Variants in GRM8 observed in about 807,000 individuals in gnomAD.
GRM8 encodes the protein glutamate metabotropic receptor 8.
GRM8 carries 47 observed loss-of-function variants against 87.2 expected under a neutral mutation model. The observed-to-expected ratio is 0.54, with a 90% CI of 0.43 to 0.69. GRM8 has a LOEUF of 0.69. GRM8 is among the 30% of genes least tolerant of loss of function. The probability of loss-of-function intolerance (pLI) is 0.00; values close to 1 mark genes in which losing one functional copy is unlikely to be tolerated. For missense variants in GRM8, 1,019 were observed against 1,139.2 expected, an observed-to-expected ratio of 0.89 and a Z score of 1.52; for synonymous variants, 396 against 404.5, an observed-to-expected ratio of 0.98 and a Z score of 0.25.
intron 9 of GRM8, chr7:126,511,686 T>C (rs1443084627): frequency 6.6e-6 from 1 of 152,140 alleles, no homozygotes; most frequent in South Asian, 2.1e-4. Context: ...GGCCAAGGCA[T>C]GCACCAATGT....
At chr7:127,114,269 C>A (rs1198439366) in intron 2 of GRM8, among the ~76,000 whole-genome samples, 1 of 152,056 alleles carries the variant, frequency 6.6e-6, no homozygotes, top group Non-Finnish European at 1.5e-5. Flanking sequence ...TTTTGATGCA[C>A]AATGGAGTTT....
At chr7:127,122,470 TA>T (rs61078885) in intron 2 of GRM8, among the ~76,000 whole-genome samples, 13,400 of 147,694 alleles carry the variant, frequency 0.091, 1,822 homozygotes, top group African/African-American at 0.3. Flanking sequence ...GCTTTCTATT[TA>T]AAAAAAAAAA....
chr7:127,094,102 T>G (rs1263704371), intron 3 of GRM8, among the ~76,000 whole-genome samples: 1 of 152,232 alleles, frequency 6.6e-6, no homozygotes, highest in Non-Finnish European at 1.5e-5. Flanking sequence ...ATGACATAAA[T>G]AGATTCTGAT....
At chr7:127,235,962 C>G (rs17865354) in intron 2 of GRM8, among the ~76,000 whole-genome samples, 3,823 of 146,650 alleles carry the variant, frequency 0.026, 64 homozygotes, top group South Asian at 0.073. Context: ...GTGGACTTTC[C>G]TTTCATACTA....
In GRM8 at chr7:126,547,907, A is replaced by AAC. The variant is rs1554395212; in HGVS notation, c.1495-14021_1495-14020insGT. Among the ~76,000 whole-genome samples the AAC allele has an allele frequency of 3.4e-4, 52 of 151,222 alleles. 1 individual carries two copies. The highest frequency in any genetic ancestry group is 1.5e-3 in the South Asian group (7 of 4,794). On this transcript the variant is annotated intron_variant, in intron 8 of 10. Coordinates refer to ENST00000339582, the MANE Select transcript of GRM8 (RefSeq NM_000845.3). ...CGAAAGAAACAAAATGAAAAAAAAA[A>AAC]CCTAGTTGATGTGCTGAACCTAAAT...
intron 8 of GRM8, among the ~76,000 whole-genome samples, chr7:126,603,444 T>C (rs1798022748): frequency 6.6e-6 from 1 of 151,606 alleles, no homozygotes; most frequent in Non-Finnish European, 1.5e-5. Context: ...GGAAGTCAAA[T>C]TGTCACTGTT....
chr7:126,773,614 A>C (rs190693139), intron 6 of GRM8, among the ~76,000 whole-genome samples: 3 of 152,288 alleles, frequency 2.0e-5, no homozygotes, highest in African/African-American at 7.2e-5. Flanking sequence ...GTCAATTTAT[A>C]AAGATACTCC....
In GRM8 at chr7:126,533,038, G is replaced by T. The variant is rs753827569; in HGVS notation, c.2344C>A (p.Pro782Thr). Residue 782 changes from proline (P) to threonine (T), a missense_variant, in exon 9 of 11, where the codon CCT becomes ACT. Coordinates refer to ENST00000339582, the MANE Select transcript of GRM8 (RefSeq NM_000845.3). ...GTGGTATACATGGTAAATCCAATAG[G>T]TTTGGCTTCATTGAAAGTCTCTGGG... Reference protein sequence around the residue: ...GVPETFNEAKPIGFTMYTTCI... With the variant: ...GVPETFNEAKTIGFTMYTTCI... The T allele has an allele frequency of 2.5e-6, 4 of 1,613,386 alleles. No individual in the cohort carries two copies. In the Admixed American group the frequency reaches 5.0e-5, roughly 20 times the overall value.
rs192434840 is a variant in GRM8 at position 126,606,327 on chromosome 7, T to A, written c.1494+3035A>T. On this transcript the variant is annotated intron_variant, in intron 8 of 10. Transcript: ENST00000339582. ...CCACATAGAATATTGAGATACTGAA[T>A]TAATCATAAGTAACATTTATAGATC... is the stretch of plus-strand genomic sequence containing the variant. Among the ~76,000 whole-genome samples, 21 of 152,322 alleles carry A rather than the reference T, an allele frequency of 1.4e-4. No homozygotes were observed. The East Asian group carries it at 4.1e-3, about 29-fold the overall frequency.
intron 3 of GRM8, among the ~76,000 whole-genome samples, chr7:126,960,008 A>C (rs1563356186): frequency 6.6e-6 from 1 of 152,170 alleles, no homozygotes; most frequent in Non-Finnish European, 1.5e-5. Context: ...GAAAGGGTAG[A>C]ATTTATTATT....
At chr7:127,136,656 G>T (rs1337600443) in intron 2 of GRM8, among the ~76,000 whole-genome samples, 1 of 151,928 alleles carries the variant, frequency 6.6e-6, no homozygotes, top group Non-Finnish European at 1.5e-5. Context: ...CAGCATCTGT[G>T]CTGTACTTTG....
chr7:127,046,685 A>T (rs1818960383), intron 3 of GRM8, among the ~76,000 whole-genome samples: 1 of 152,220 alleles, frequency 6.6e-6, no homozygotes, highest in African/African-American at 2.4e-5. Flanking sequence ...CGGCCTTGAA[A>T]ATTTATGAAT....
At chr7:126,884,600 ATGTCC>A (rs773734322) in intron 6 of GRM8, among the ~76,000 whole-genome samples, 3 of 152,336 alleles carry the variant, frequency 2.0e-5, no homozygotes, top group East Asian at 3.9e-4. Context: ...AAAACATATA[ATGTCC>A]TGTTGGGAAG....
intron 3 of GRM8, among the ~76,000 whole-genome samples, chr7:127,001,610 T>G (rs1813732967): frequency 6.6e-6 from 1 of 151,746 alleles, no homozygotes; most frequent in Non-Finnish European, 1.5e-5. Flanking sequence ...ACAATGCTAG[T>G]TGCAAAGTAA....
At position 126,970,387 on chromosome 7, in the gene GRM8, C is replaced by G. The variant is rs556887453; in HGVS notation, c.728-65704G>C. ...CCTAGATAAGTTGCTTCAGCTTCTA[C>G]ATTAGCACCTTCTGCTTTACCTGGC... On this transcript the variant is annotated intron_variant, in intron 3 of 10. Transcript: ENST00000339582. Among the ~76,000 whole-genome samples the G allele has an allele frequency of 4.6e-5, 7 of 152,336 alleles. No homozygotes were observed. The South Asian group carries it at 1.4e-3, about 32-fold the overall frequency.
At chr7:126,489,810 G>C (rs183133161) in intron 9 of GRM8, among the ~76,000 whole-genome samples, 1 of 152,002 alleles carries the variant, frequency 6.6e-6, no homozygotes. Context: ...AGCATGCAAA[G>C]CAGTAGACAG....
intron 6 of GRM8, among the ~76,000 whole-genome samples, chr7:126,849,186 G>GA (rs1439410069): frequency 5.3e-5 from 8 of 151,660 alleles, no homozygotes; most frequent in East Asian, 1.9e-4. Context: ...TGTCTCAAAA[G>GA]AAAAAAACAG....
chr7:126,743,212 G>A (rs925783484), intron 7 of GRM8, among the ~76,000 whole-genome samples: 9 of 152,222 alleles, frequency 5.9e-5, no homozygotes, highest in Middle Eastern at 6.8e-3. Flanking sequence ...TATGTAGTAC[G>A]ATTTCAGTGA....
At chr7:126,923,580 A>T (rs1398304908) in intron 3 of GRM8, among the ~76,000 whole-genome samples, 3 of 152,176 alleles carry the variant, frequency 2.0e-5, no homozygotes, top group African/African-American at 7.2e-5. Flanking sequence ...CTTTTTAAGC[A>T]CTTCAAGGGC....
Sources: allele counts gnomAD v4.1 joint callset (sites outside exome capture counted in the v4.1 genomes callset), GRCh38; gene constraint gnomAD v4.1.1; transcripts MANE v1.5; gene names NCBI Gene and HGNC (gene_info 2026-07-23, HGNC 2026-07-21).